KIF26B: variants seen among roughly 807,000 people sequenced by gnomAD.
KIF26B encodes the protein kinesin family member 26B, also known as kinesin-like protein KIF26B.
A neutral mutation model predicts 151.2 loss-of-function variants in KIF26B; 63 were observed. That is an observed-to-expected ratio of 0.42 (90% CI 0.34 to 0.51). The LOEUF (loss-of-function observed/expected upper bound fraction) is 0.51. KIF26B is among the 20% of genes least tolerant of loss of function. The pLI is 0.07. For missense variants in KIF26B, 2,813 were observed against 2,913.6 expected (o/e 0.97, Z 0.79); for synonymous variants, 1,357 against 1,262.1 (o/e 1.08, Z -1.59).
intron 2 of KIF26B, among the ~76,000 whole-genome samples, chr1:245,201,794 C>A (rs1325953127): frequency 6.6e-6 from 1 of 152,166 alleles, no homozygotes; most frequent in East Asian, 1.9e-4. Context: ...TCTCATTTTG[C>A]CATGTTTCTG....
chr1:245,263,743 G>A (rs1171383087), intron 2 of KIF26B, among the ~76,000 whole-genome samples: 1 of 152,162 alleles, frequency 6.6e-6, no homozygotes, highest in African/African-American at 2.4e-5. Context: ...TTCTCCTAGA[G>A]TCTAGCATCC....
intron 4 of KIF26B, among the ~76,000 whole-genome samples, chr1:245,421,969 T>C (rs1439544579): frequency 2.0e-5 from 3 of 152,050 alleles, no homozygotes; most frequent in Non-Finnish European, 4.4e-5. Flanking sequence ...AGGGAGATAC[T>C]GAGGCAAAAC....
At chr1:245,550,909 C>T (rs1192733651) in intron 5 of KIF26B, among the ~76,000 whole-genome samples, 2 of 152,198 alleles carry the variant, frequency 1.3e-5, no homozygotes, top group African/African-American at 4.8e-5. Flanking sequence ...TTATTTCCTT[C>T]TGCAGCCTGG....
chr1:245,590,184 C>G (rs1225632404), intron 5 of KIF26B, among the ~76,000 whole-genome samples: 1 of 151,016 alleles, frequency 6.6e-6, no homozygotes, highest in African/African-American at 2.4e-5. Flanking sequence ...GCCGAGGCGC[C>G]GGTGGAAGCA....
chr1:245,163,803 T>C (rs762691076), intron 2 of KIF26B, among the ~76,000 whole-genome samples: 18 of 152,198 alleles, frequency 1.2e-4, no homozygotes, highest in Non-Finnish European at 2.2e-4. Context: ...TTTTAATTGA[T>C]AATTATTTAT....
chr1:245,329,260 C>G (rs1672053689), intron 2 of KIF26B, among the ~76,000 whole-genome samples: 1 of 152,204 alleles, frequency 6.6e-6, no homozygotes, highest in Non-Finnish European at 1.5e-5. Context: ...GGGCTGCGTT[C>G]TAACTCGAGA....
At chr1:245,534,318 A>G (rs568946463) in intron 4 of KIF26B, among the ~76,000 whole-genome samples, 4 of 152,182 alleles carry the variant, frequency 2.6e-5, no homozygotes, top group Non-Finnish European at 5.9e-5. Flanking sequence ...GTGCGCCACC[A>G]TGCCCAGCTA....
At chr1:245,517,869 ATTTT>A (rs549396811) in intron 4 of KIF26B, among the ~76,000 whole-genome samples, 74 of 130,972 alleles carry the variant, frequency 5.7e-4, no homozygotes, top group African/African-American at 9.5e-4. Flanking sequence ...GTGTCATGTA[ATTTT>A]TTTTTTTTTT....
chr1:245,337,320 C>T (rs992774905), intron 2 of KIF26B, among the ~76,000 whole-genome samples: 10 of 151,818 alleles, frequency 6.6e-5, no homozygotes, highest in African/African-American at 2.4e-4. Flanking sequence ...TACAGGCACC[C>T]CCAACCATAC....
chr1:245,202,361 G>A (rs930155912), intron 2 of KIF26B, among the ~76,000 whole-genome samples: 6 of 152,190 alleles, frequency 3.9e-5, no homozygotes, highest in African/African-American at 9.7e-5. Context: ...TGGGAAGAGC[G>A]TGGCCTCTCA....
intron 2 of KIF26B, among the ~76,000 whole-genome samples, chr1:245,362,061 C>T (rs937433953): frequency 1.3e-5 from 2 of 151,656 alleles, no homozygotes; most frequent in African/African-American, 2.4e-5. Context: ...ACTGACCTTT[C>T]GCCATCAGCA....
intron 2 of KIF26B, among the ~76,000 whole-genome samples, chr1:245,212,782 C>A (rs7549180): frequency 0.14 from 20,785 of 152,270 alleles, 3,682 homozygotes; most frequent in African/African-American, 0.41. Context: ...ATTCCTGTTC[C>A]TCACCGGTCA....
intron 2 of KIF26B, among the ~76,000 whole-genome samples, chr1:245,196,346 C>G (rs1187127896): frequency 6.6e-6 from 1 of 152,156 alleles, no homozygotes; most frequent in Non-Finnish European, 1.5e-5. Context: ...CCTAATAGCT[C>G]TGAAAACAAC....
intron 4 of KIF26B, among the ~76,000 whole-genome samples, chr1:245,474,236 G>C (rs1659980623): frequency 3.2e-5 from 4 of 126,120 alleles, no homozygotes; most frequent in African/African-American, 1.1e-4. Flanking sequence ...AGCCTCCCGA[G>C]TGGCTGGGAC....
intron 10 of KIF26B, among the ~76,000 whole-genome samples, chr1:245,665,471 A>G (rs1042961179): frequency 2.0e-5 from 3 of 152,212 alleles, no homozygotes; most frequent in Non-Finnish European, 2.9e-5. Context: ...CAGGCAGCAA[A>G]GAGAGAACCG....
At chr1:245,172,974 C>G (rs1361064468) in intron 2 of KIF26B, among the ~76,000 whole-genome samples, 2 of 152,112 alleles carry the variant, frequency 1.3e-5, no homozygotes, top group African/African-American at 4.8e-5. Flanking sequence ...GCCTTATTCA[C>G]AATAGCTAAA....
At chr1:245,330,369 C>T (rs1323147939) in intron 2 of KIF26B, among the ~76,000 whole-genome samples, 2 of 54,516 alleles carry the variant, frequency 3.7e-5, no homozygotes, top group Admixed American at 3.0e-4. Flanking sequence ...CATGGACAGG[C>T]AGGCTGGTGC....
intron 5 of KIF26B, among the ~76,000 whole-genome samples, chr1:245,575,875 T>A (rs566547406): frequency 6.6e-6 from 1 of 152,320 alleles, no homozygotes; most frequent in Non-Finnish European, 1.5e-5. Context: ...AACTGTGGCC[T>A]GAACTCTCTC....
rs1320341396 is a variant in KIF26B at position 245,516,463 on chromosome 1, G to A, written c.1167-24304G>A. Among the ~76,000 whole-genome samples, 1 of 152,166 alleles carries A rather than the reference G, an allele frequency of 6.6e-6. No individual in the cohort carries two copies. Among genetic ancestry groups the A allele is most frequent in the Non-Finnish European group, 1.5e-5 (1 of 68,036 alleles). On this transcript the variant is annotated intron_variant, in intron 4 of 14. Coordinates refer to ENST00000407071, the MANE Select transcript of KIF26B (RefSeq NM_018012.4). The surrounding 1 kb of genome is among the most constrained non-coding windows in gnomAD (Gnocchi z 4.2). ...GGCTGTATGTATTGATATCACATGC[G>A]TCTATATGAACGCCCCGCTGCAGCT...
Sources: gnomAD v4.1 joint callset for allele counts (sites outside exome capture counted in the v4.1 genomes callset) on GRCh38, gnomAD v4.1.1 for gene constraint, Gnocchi (gnomAD v3.1) non-coding constraint, MANE v1.5 for transcripts, NCBI Gene and HGNC (gene_info 2026-07-23, HGNC 2026-07-21) for gene names.